RHOU: variants seen among roughly 807,000 people sequenced by gnomAD.
RHOU encodes ras homolog family member U, also known as rho-related GTP-binding protein RhoU.
In RHOU, 8 loss-of-function variants were observed where a neutral mutation model predicts 12.6. That is an observed-to-expected ratio of 0.64 (90% CI 0.37 to 1.15). The LOEUF is 1.15. Among genes scored for constraint, RHOU ranks in the 50% most tolerant of loss-of-function variants. RHOU has a pLI of 0.01. For missense variants in RHOU, 258 were observed against 347.0 expected, an observed-to-expected ratio of 0.74 and a Z score of 2.04; for synonymous variants, 161 against 147.4, an observed-to-expected ratio of 1.09 and a Z score of -0.67.
At chr1:228,660,549 A>G in the RHOU span, among the ~76,000 whole-genome samples, 7 of 151,938 alleles carry the variant, frequency 4.6e-5, no homozygotes, top group Non-Finnish European at 1.0e-4. Context: ...ATCCCATATG[A>G]AGATTGATGT....
At chr1:228,715,429 T>C in the RHOU span, among the ~76,000 whole-genome samples, 5 of 152,154 alleles carry the variant, frequency 3.3e-5, no homozygotes, top group Non-Finnish European at 5.9e-5. Context: ...TTTTGCTGCT[T>C]TTGTTGTCAA....
chr1:228,710,505 T>A, the RHOU span, among the ~76,000 whole-genome samples: 1 of 152,004 alleles, frequency 6.6e-6, no homozygotes, highest in African/African-American at 2.4e-5. Flanking sequence ...CCTGGTTCAA[T>A]ATACGCAAAT....
chr1:228,707,388 G>T, the RHOU span, among the ~76,000 whole-genome samples: 2 of 149,448 alleles, frequency 1.3e-5, no homozygotes, highest in Admixed American at 6.7e-5. Flanking sequence ...CGACACAGAA[G>T]ATGGGTGATT....
the RHOU span, among the ~76,000 whole-genome samples, chr1:228,646,791 T>G: frequency 6.6e-6 from 1 of 151,194 alleles, no homozygotes; most frequent in South Asian, 2.1e-4. Flanking sequence ...CGAGCACGGG[T>G]GCGCAGACGC....
At chr1:228,702,488 T>C in the RHOU span, among the ~76,000 whole-genome samples, 1 of 152,126 alleles carries the variant, frequency 6.6e-6, no homozygotes, top group Non-Finnish European at 1.5e-5. Flanking sequence ...CTGTAGGTGG[T>C]GATATAGACA....
chr1:228,661,142 C>T, the RHOU span, among the ~76,000 whole-genome samples: 26 of 151,972 alleles, frequency 1.7e-4, no homozygotes, highest in Admixed American at 1.7e-3. Context: ...TGTGAAGGAC[C>T]TCTTCAAGGA....
At chr1:228,727,317 T>C in the RHOU span, among the ~76,000 whole-genome samples, 1 of 152,124 alleles carries the variant, frequency 6.6e-6, no homozygotes. Flanking sequence ...TCTCTCTCTC[T>C]TTTTTTCTGG....
the RHOU span, among the ~76,000 whole-genome samples, chr1:228,691,378 CT>C: frequency 6.6e-5 from 10 of 152,040 alleles, no homozygotes; most frequent in Non-Finnish European, 1.5e-4. Flanking sequence ...TTTCACTGGC[CT>C]AAAAGTCATC....
intron 2 of RHOU, among the ~76,000 whole-genome samples, chr1:228,742,953 T>A (rs1328199216): frequency 6.6e-6 from 1 of 152,178 alleles, no homozygotes; most frequent in Non-Finnish European, 1.5e-5. Flanking sequence ...GCTGAAGGCT[T>A]AAGTCCATTT....
chr1:228,647,214 T>G, the RHOU span, among the ~76,000 whole-genome samples: 2 of 152,190 alleles, frequency 1.3e-5, no homozygotes, highest in Non-Finnish European at 2.9e-5. Context: ...GGGTTTTTTC[T>G]TGGATGAATT....
At chr1:228,732,621 T>G (rs1315751424), upstream of RHOU, among the ~76,000 whole-genome samples, 1 of 152,052 alleles carries the variant, frequency 6.6e-6, no homozygotes, top group African/African-American at 2.4e-5. Flanking sequence ...GTTCCCGGCA[T>G]TTTAGATAAG....
intron 2 of RHOU, among the ~76,000 whole-genome samples, chr1:228,740,371 C>T (rs1464617358): frequency 6.6e-6 from 1 of 152,086 alleles, no homozygotes; most frequent in East Asian, 1.9e-4. Context: ...TGAATAAGAC[C>T]ACTATCTAAA....
chr1:228,703,214 G>C, the RHOU span, among the ~76,000 whole-genome samples: 1 of 152,134 alleles, frequency 6.6e-6, no homozygotes, highest in Non-Finnish European at 1.5e-5. Context: ...TTCTTTTAGA[G>C]ATATAAATTT....
the RHOU span, among the ~76,000 whole-genome samples, chr1:228,696,885 G>A: frequency 6.6e-6 from 1 of 152,150 alleles, no homozygotes; most frequent in Non-Finnish European, 1.5e-5. Flanking sequence ...TATGCCAAAA[G>A]CAATGACTGA....
chr1:228,660,976 T>G, the RHOU span, among the ~76,000 whole-genome samples: 2 of 150,552 alleles, frequency 1.3e-5, no homozygotes, highest in Non-Finnish European at 3.0e-5. Flanking sequence ...GATAAGCAAC[T>G]TCAGCAAAGT....
the RHOU span, among the ~76,000 whole-genome samples, chr1:228,661,488 C>T: frequency 6.6e-6 from 1 of 152,108 alleles, no homozygotes. Context: ...GAGATATAGA[C>T]CAATGGAACA....
the RHOU span, among the ~76,000 whole-genome samples, chr1:228,648,183 C>T: frequency 2.5e-3 from 384 of 152,362 alleles, 4 homozygotes; most frequent in Non-Finnish European, 4.7e-3. Context: ...CGTGTCTACG[C>T]CCAAGCACCG....
chr1:228,730,615 G>T (rs1662476841), upstream of RHOU, among the ~76,000 whole-genome samples: 1 of 152,222 alleles, frequency 6.6e-6, no homozygotes, highest in African/African-American at 2.4e-5. Flanking sequence ...AGCCATGCTG[G>T]CAATAGACAA....
chr1:228,701,332 A>G, the RHOU span, among the ~76,000 whole-genome samples: 1 of 152,152 alleles, frequency 6.6e-6, no homozygotes, highest in Non-Finnish European at 1.5e-5. Flanking sequence ...AAAAGCAAAA[A>G]CTTTTACTCT....
Sources: allele counts gnomAD v4.1 joint callset (sites outside exome capture counted in the v4.1 genomes callset), GRCh38; gene constraint gnomAD v4.1.1; transcripts MANE v1.5; gene names NCBI Gene and HGNC (gene_info 2026-07-23, HGNC 2026-07-21).